Variants in NOS1 observed in about 807,000 individuals in gnomAD.
The protein encoded by NOS1 is NOS type I.
A neutral mutation model predicts 164.5 loss-of-function variants in NOS1; 51 were observed. The ratio of observed to expected loss-of-function variants is 0.31; its 90% CI spans 0.25 to 0.39. NOS1 has a LOEUF of 0.39. Among genes scored for constraint, NOS1 ranks in the 10% least tolerant of loss-of-function variants. The probability of loss-of-function intolerance (pLI) is 1.00; values close to 1 mark genes in which losing one functional copy is unlikely to be tolerated. For synonymous variants in NOS1, 719 were observed against 745.8 expected (o/e 0.96, Z 0.59); for missense variants, 1,362 against 1,885.6 (o/e 0.72, Z 5.14).
intron 2 of NOS1, among the ~76,000 whole-genome samples, chr12:117,328,112 C>T (rs145959433): frequency 6.6e-6 from 1 of 151,094 alleles, no homozygotes; most frequent in East Asian, 1.9e-4. Flanking sequence ...CCTGGAGTGC[C>T]CATCCCCTCT....
intron 2 of NOS1, among the ~76,000 whole-genome samples, chr12:117,327,371 C>T (rs115778657): frequency 0.03 from 4,513 of 152,238 alleles, 220 homozygotes; most frequent in African/African-American, 0.1. Flanking sequence ...AAGGCCAATG[C>T]CTTCCGTTCT....
chr12:117,237,857 A>G (rs1220283054), intron 20 of NOS1, among the ~76,000 whole-genome samples: 2 of 152,102 alleles, frequency 1.3e-5, no homozygotes, highest in African/African-American at 4.8e-5. Context: ...TTGAGAAGTC[A>G]CTTAAAGGAT....
chr12:117,221,012 A>G (rs2135925061), intron 26 of NOS1, among the ~76,000 whole-genome samples: 1 of 152,114 alleles, frequency 6.6e-6, no homozygotes, highest in East Asian at 1.9e-4. Context: ...CCAACCTGCC[A>G]CGATGTCCTG....
intron 3 of NOS1, among the ~76,000 whole-genome samples, chr12:117,297,978 G>A (rs9658316): frequency 3.0e-4 from 45 of 152,136 alleles, no homozygotes; most frequent in Non-Finnish European, 4.9e-4. Context: ...TTGGCACCAG[G>A]GATCGGTTTT....
At position 117,209,856 on chromosome 12, in the gene NOS1, T is replaced by G. The variant is rs570841286; in HGVS notation, c.*5453A>C. Reference sequence around the variant, plus strand: ...GATAAAGGGCAGAGGCCAGGCCAGGTTGGCCTCCAAAGTCAAATCCCTGTT... The same window carrying G: ...GATAAAGGGCAGAGGCCAGGCCAGGGTGGCCTCCAAAGTCAAATCCCTGTT... On this transcript the variant is annotated 3_prime_UTR_variant, in exon 29 of 29. Transcript: ENST00000317775. 1.0e-6 allele frequency: 1 copy of G among 985,488 alleles called. No homozygotes were observed. Among genetic ancestry groups the G allele is most frequent in the East Asian group, 1.1e-4 (1 of 8,824 alleles). The allele number at this position is 985,488 out of a possible 1,614,324, so 61.0% of individuals were successfully genotyped here.
At position 117,210,150 on chromosome 12, in the gene NOS1, T is replaced by TC. The variant is rs1956505072; in HGVS notation, c.*5158_*5159insG. The stretch of plus-strand genomic sequence containing the variant: ...ATCATGCCCAGCTAATTTTTTTTTT[T>TC]TTTTTTTTTTAGTAGAGACGAGATT... On this transcript the variant is annotated 3_prime_UTR_variant, in exon 29 of 29. Transcript: ENST00000317775. 1 of 539,878 alleles carries TC rather than the reference T, an allele frequency of 1.9e-6. No homozygotes were observed. Among genetic ancestry groups the TC allele is most frequent in the Non-Finnish European group, 2.4e-6 (1 of 422,602 alleles). 33.4% of individuals were successfully genotyped at this position (539,878 alleles called of 1,614,324 possible).
chr12:117,216,721 C>G (rs886625935), intron 28 of NOS1, among the ~76,000 whole-genome samples: 2 of 152,128 alleles, frequency 1.3e-5, no homozygotes, highest in Admixed American at 1.3e-4. Context: ...TCAAGCAATT[C>G]ACCCACCTCA....
rs76058254 is a variant in NOS1, at chr12:117,339,156, C to T, written c.-420-7667G>A. ...ATGCCGGTAAGTCATGGCGGCAAAC[C>T]CACAAGTCCCCACAAATCTGGGGGT... is the stretch of plus-strand genomic sequence containing the variant. On this transcript the variant is annotated intron_variant, in intron 1 of 28. Coordinates refer to ENST00000317775, the MANE Select transcript of NOS1 (RefSeq NM_000620.5). 2.1e-3 allele frequency among the ~76,000 whole-genome samples: 320 copies of T among 152,296 alleles called. 1 individual carries two copies. The highest frequency in any genetic ancestry group is 7.3e-3 in the African/African-American group (302 of 41,562).
At position 117,335,566 on chromosome 12, in the gene NOS1, C is replaced by G. The variant is rs1440912207; in HGVS notation, c.-420-4077G>C. On this transcript the variant is annotated intron_variant, in intron 1 of 28. Coordinates refer to ENST00000317775, the MANE Select transcript of NOS1 (RefSeq NM_000620.5). ...AGGCCAGCGTCTGCTACTCCCTCCT[C>G]TCTGTGCGACCTTGGCCAAGTCCCT... Among the ~76,000 whole-genome samples the G allele has an allele frequency of 5.3e-5, 8 of 152,262 alleles. No homozygotes were observed. The East Asian group carries it at 1.4e-3, about 26-fold the overall frequency.
chr12:117,276,368 T>C (rs577199936), intron 9 of NOS1, among the ~76,000 whole-genome samples: 148 of 152,312 alleles, frequency 9.7e-4, no homozygotes, highest in African/African-American at 3.2e-3. Context: ...CTGCAACCTC[T>C]GCTTCCCAGG....
chr12:117,313,207 C>T (rs560572155), intron 2 of NOS1, among the ~76,000 whole-genome samples: 5 of 152,250 alleles, frequency 3.3e-5, no homozygotes, highest in East Asian at 1.9e-4. Flanking sequence ...CATCATTACA[C>T]GAGGAAACTA....
At chr12:117,219,417 CT>C (rs936947186) in intron 27 of NOS1, among the ~76,000 whole-genome samples, 3 of 152,206 alleles carry the variant, frequency 2.0e-5, no homozygotes, top group Admixed American at 6.5e-5. Flanking sequence ...AGCAATTCTC[CT>C]TCCTCAGCCT....
chr12:117,285,092 A>G (rs937160559), intron 7 of NOS1, 149 bp downstream of exon 7: 2 of 299,238 alleles, frequency 6.7e-6, no homozygotes, highest in Non-Finnish European at 1.2e-5. Context: ...AAAATAAAAA[A>G]AAAAGATGCC....
intron 10 of NOS1, among the ~76,000 whole-genome samples, chr12:117,270,047 T>C (rs1872688269): frequency 6.6e-6 from 1 of 152,166 alleles, no homozygotes. Context: ...AGCTGCTCTC[T>C]AAGCAGCTGA....
intron 16 of NOS1, among the ~76,000 whole-genome samples, chr12:117,257,730 C>T (rs1439032501): frequency 6.6e-6 from 1 of 150,668 alleles, no homozygotes; most frequent in Admixed American, 6.6e-5. Context: ...TGTGCACTAC[C>T]ATGCCTGACT....
chr12:117,222,681 G>A (rs1247865259), intron 26 of NOS1, 34 bp downstream of exon 26: 4 of 1,606,634 alleles, frequency 2.5e-6, no homozygotes, highest in Admixed American at 1.7e-5. Context: ...CATGTGTGTT[G>A]GGCTGGGCTA....
rs1287033378 is a variant in NOS1, at chr12:117,330,551, G to C, written c.519C>G (p.Pro173=). 1 of 1,613,700 alleles carries C rather than the reference G, an allele frequency of 6.2e-7. No homozygotes were observed. The highest frequency in any genetic ancestry group is 8.5e-7 in the Non-Finnish European group (1 of 1,179,976). Residue 173 remains proline (P), a synonymous_variant, in exon 2 of 29, where the codon CCC becomes CCG. Coordinates refer to ENST00000317775, the MANE Select transcript of NOS1 (RefSeq NM_000620.5). The surrounding 1 kb of genome is among the most constrained non-coding windows in gnomAD (Gnocchi z 4.6). The stretch of plus-strand genomic sequence containing the variant: ...GCCTGGGGGCCAGGCCGTTGGCATG[G>C]GGGAGTGAGCCAGCCTCCTGCCCAT... ...YDDGQEAGSL[P]HANGLAPRPP...
chr12:117,250,121 A>G (rs1291453853), intron 17 of NOS1, among the ~76,000 whole-genome samples: 1 of 152,092 alleles, frequency 6.6e-6, no homozygotes, highest in Non-Finnish European at 1.5e-5. Context: ...GAAGTTGGAA[A>G]GGCACCCTCC....
chr12:117,221,272 A>G (rs1408430990), intron 26 of NOS1, among the ~76,000 whole-genome samples: 1 of 150,478 alleles, frequency 6.6e-6, no homozygotes, highest in Non-Finnish European at 1.5e-5. Flanking sequence ...CCTGCCTCTC[A>G]GCCTCTTGAA....
Sources: allele counts gnomAD v4.1 joint callset (sites outside exome capture counted in the v4.1 genomes callset), GRCh38; gene constraint gnomAD v4.1.1; non-coding constraint Gnocchi (gnomAD v3.1); transcripts MANE v1.5; gene names NCBI Gene and HGNC (gene_info 2026-07-23, HGNC 2026-07-21).